Variants in NID1 observed in about 807,000 individuals in gnomAD.
NID1 encodes nidogen 1.
Under a neutral mutation model 130.6 loss-of-function variants are expected in NID1, and 76 were observed. The ratio of observed to expected loss-of-function variants is 0.58; its 90% confidence interval spans 0.48 to 0.70. The LOEUF (loss-of-function observed/expected upper bound fraction) is 0.70, where lower values mean the gene tolerates loss of function less well. Ranked by LOEUF, NID1 falls within the 30% of genes least tolerant of loss-of-function variation. The probability of loss-of-function intolerance (pLI) is 0.00; values close to 1 mark genes in which losing one functional copy is unlikely to be tolerated. For missense variants in NID1, 1,517 were observed against 1,664.8 expected (o/e 0.91, Z 1.54); for synonymous variants, 665 against 675.1 (o/e 0.98, Z 0.23).
rs949066579 is a variant in NID1 at position 235,975,988 on chromosome 1, C to T, written c.*1879G>A. On this transcript the variant is annotated 3_prime_UTR_variant, in exon 20 of 20. Coordinates refer to ENST00000264187, the MANE Select transcript of NID1 (RefSeq NM_002508.3). ...ACCATTAAAAAATTTTAGAATAAATCTAATAAAATGAATAAAATAGTTATA... is the reference window on the plus strand; with the variant it reads ...ACCATTAAAAAATTTTAGAATAAATTTAATAAAATGAATAAAATAGTTATA... 1 of 152,426 alleles carries T rather than the reference C, an allele frequency of 6.6e-6. No individual in the cohort carries two copies. The highest frequency in any genetic ancestry group is 2.4e-5 in the African/African-American group (1 of 41,352). The allele number at this position is 152,426 out of a possible 1,614,324, so 9.4% of individuals were successfully genotyped here.
intron 9 of NID1, among the ~76,000 whole-genome samples, chr1:236,017,495 C>T (rs1278121139): frequency 6.6e-6 from 1 of 152,058 alleles, no homozygotes; most frequent in Non-Finnish European, 1.5e-5. Flanking sequence ...AAGTGATTCT[C>T]CTGCCTCAGC....
chr1:236,039,628 G>A (rs913138865), intron 4 of NID1, among the ~76,000 whole-genome samples: 24 of 152,198 alleles, frequency 1.6e-4, no homozygotes, highest in African/African-American at 5.8e-4. Flanking sequence ...AAATTAATTT[G>A]GAATGAAATT....
chr1:236,023,775 A>C (rs1181240323), intron 9 of NID1, among the ~76,000 whole-genome samples: 1 of 152,196 alleles, frequency 6.6e-6, no homozygotes, highest in Non-Finnish European at 1.5e-5. Flanking sequence ...TGGTGTTATC[A>C]TTAACAGCTC....
chr1:236,042,263 C>A lies in NID1; in HGVS notation c.782G>T (p.Trp261Leu), dbSNP rs1659476561. ...GGCTGGACTCCCAATCTCAAACACC[C>A]AGACACCCTGCTGCCCAGAGTTACT... ...KSSNSGQQGV[W>L]VFEIGSPATT... is the part of the protein sequence containing the mutation. The change falls in exon 4 of 20, where the codon TGG becomes TTG. Residue 261 changes from tryptophan (W) to leucine (L), a missense_variant. Trp to Leu is a moderately conservative substitution (Grantham distance 61). Around this residue, in one of 3 missense-constraint regions of NID1, gnomAD observed 1,329 missense variants for 1,429.2 expected, o/e 0.93. Transcript: ENST00000264187. The A allele has an allele frequency of 1.6e-5, 25 of 1,606,366 alleles. No homozygotes were observed. Among genetic ancestry groups the A allele is most frequent in the Non-Finnish European group, 2.0e-5 (24 of 1,179,946 alleles).
chr1:235,978,953 T>C (rs12032474), intron 19 of NID1, 42 bp downstream of exon 19: 1 of 1,382,192 alleles, frequency 7.2e-7, no homozygotes, highest in Non-Finnish European at 1.0e-6. Flanking sequence ...TGAGCCTCCA[T>C]GTGCCCCCAG....
intron 12 of NID1, among the ~76,000 whole-genome samples, chr1:235,996,152 CCCCAAAAAACAAAACGAAAA>C (rs1259295426): frequency 1.3e-5 from 2 of 151,884 alleles, no homozygotes. Context: ...AGACCCTGTC[CCCCAAAAAACAAAACGAAAA>C]CCCAAAAAAC....
rs1470703593 is a variant in NID1, at chr1:235,976,847, G to C, written c.*1020C>G. The C allele has an allele frequency of 6.6e-6, 1 of 152,196 alleles. No homozygotes were observed. Among genetic ancestry groups the C allele is most frequent in the Non-Finnish European group, 1.5e-5 (1 of 68,048 alleles). The allele number at this position is 152,196 out of a possible 1,614,324, so 9.4% of individuals were successfully genotyped here. On this transcript the variant is annotated 3_prime_UTR_variant, in exon 20 of 20. Transcript: ENST00000264187. ...CAAGGAGGGGTGAGGTCATGGTTGA[G>C]TGTAAATTGGTTCTGTCATGTGGAG... is the stretch of plus-strand genomic sequence containing the variant.
At chr1:236,016,996 G>C in intron 10 of NID1, 152 bp downstream of exon 10, 1 of 913,438 alleles carries the variant, frequency 1.1e-6, no homozygotes, top group Non-Finnish European at 1.7e-6. Context: ...ATAGTTGGAG[G>C]GCAGAGGCTA....
chr1:236,029,455 C>A, intron 7 of NID1, 95 bp downstream of exon 7: 5 of 1,228,056 alleles, frequency 4.1e-6, no homozygotes, highest in Admixed American at 4.1e-5. Context: ...CTCCAGATCC[C>A]AGAGACAGCC....
Position 236,029,702 on chromosome 1 carries a change from C to A in NID1, c.1586G>T (p.Gly529Val). ...GAACCGCTGCTTAATGACCAGATTGCCCGGGTGCCCCACGAAGGTCACCTC... is the reference window on the plus strand; with the variant it reads ...GAACCGCTGCTTAATGACCAGATTGACCGGGTGCCCCACGAAGGTCACCTC... ...QAEVTFVGHPGNLVIKQRFSG... is the reference protein window; with the variant it reads ...QAEVTFVGHPVNLVIKQRFSG... The change falls in exon 7 of 20, where the codon GGC (glycine) becomes GTC (valine). Residue 529 changes from glycine (G) to valine (V), a missense_variant. Physicochemically the swap from Gly to Val is moderately radical, Grantham distance 109 (BLOSUM62 -3). Transcript: ENST00000264187. 1 of 1,614,102 alleles carries A rather than the reference C, an allele frequency of 6.2e-7. No individual in the cohort carries two copies. Among genetic ancestry groups the A allele is most frequent in the African/African-American group, 1.3e-5 (1 of 75,050 alleles).
rs2102825196 is a variant in NID1, at chr1:236,024,168, T to C, written c.2030A>G (p.His677Arg). 3 of 1,614,266 alleles carry C rather than the reference T, an allele frequency of 1.9e-6. No homozygotes were observed. Among genetic ancestry groups the C allele is most frequent in the Non-Finnish European group, 2.5e-6 (3 of 1,180,048 alleles). The change falls in exon 9 of 20, where the codon CAT becomes CGT. Residue 677 changes from histidine to arginine, a missense_variant. Physicochemically the swap from His to Arg is conservative, Grantham distance 29. Around this residue, in one of 3 missense-constraint regions of NID1, gnomAD observed 1,329 missense variants for 1,429.2 expected, o/e 0.93. Coordinates refer to ENST00000264187, the MANE Select transcript of NID1 (RefSeq NM_002508.3). ...ALQNPCYIGT[H>R]GCDTNAACRP... is the part of the protein sequence containing the mutation. ...ACAGGCCGCGTTGGTGTCACACCCA[T>C]GAGTGCCGATGTAGCAGGGATTCTG...
intron 9 of NID1, among the ~76,000 whole-genome samples, chr1:236,017,619 C>T (rs1455344329): frequency 1.3e-5 from 2 of 152,170 alleles, no homozygotes; most frequent in Non-Finnish European, 2.9e-5. Flanking sequence ...CTCCTGACCT[C>T]GTGATCCACC....
rs16833075 is a variant in NID1, at chr1:235,993,977, T to G, written c.2528-105A>C. On this transcript the variant is annotated intron_variant, in intron 12 of 19. Transcript: ENST00000264187. ...GCAGCTCGCTCAGAACCACGAGGGC[T>G]GCCTGTGTGTCACTGGGTTTTGTTT... 186,250 of 923,086 alleles carry G rather than the reference T, an allele frequency of 0.2. 23,471 individuals are homozygous for G. The highest frequency in any genetic ancestry group is 0.58 in the East Asian group (21,730 of 37,398). The allele number at this position is 923,086 out of a possible 1,614,324, so 57.2% of individuals were successfully genotyped here.
chr1:235,989,488 G>C (rs1343488510), intron 14 of NID1, among the ~76,000 whole-genome samples: 1 of 152,112 alleles, frequency 6.6e-6, no homozygotes, highest in Non-Finnish European at 1.5e-5. Context: ...ATATTTTTTT[G>C]AGTGCTTCCT....
In NID1 at chr1:236,034,066, T is replaced by C. The variant is rs145309592; in HGVS notation, c.1286-1414A>G. Among the ~76,000 whole-genome samples the C allele has an allele frequency of 3.3e-5, 5 of 152,248 alleles. No homozygotes were observed. In the East Asian group the frequency reaches 9.6e-4, roughly 29 times the overall value. The stretch of plus-strand genomic sequence containing the variant: ...AAAGGAAAACAACCCAAATGTCCAT[T>C]AACTGATGAATGGATAAACAAAATA... On this transcript the variant is annotated intron_variant, in intron 5 of 19. Transcript: ENST00000264187.
chr1:236,055,832 C>G (rs1455662191), intron 1 of NID1, among the ~76,000 whole-genome samples: 2 of 152,136 alleles, frequency 1.3e-5, no homozygotes, highest in East Asian at 3.9e-4. Context: ...TGAGGTATAA[C>G]TGATAAACAA....
chr1:235,996,591 G>A (rs372090257), intron 12 of NID1, among the ~76,000 whole-genome samples: 34 of 151,994 alleles, frequency 2.2e-4, no homozygotes, highest in Non-Finnish European at 3.4e-4. Context: ...ACAGGCATGC[G>A]TCACCACACT....
At chr1:236,039,185 A>T (rs1169326815) in intron 4 of NID1, among the ~76,000 whole-genome samples, 1 of 146,164 alleles carries the variant, frequency 6.8e-6, no homozygotes, top group Non-Finnish European at 1.5e-5. Flanking sequence ...TTTATATGTT[A>T]TATAATAATA....
At position 236,045,465 on chromosome 1, in the gene NID1, A is replaced by C. The variant is rs369549170; in HGVS notation, c.744T>G (p.Asn248Lys). Residue 248 changes from asparagine to lysine, a missense_variant, in exon 3 of 20, where the codon AAT (asparagine) becomes AAG (lysine). Coordinates refer to ENST00000264187, the MANE Select transcript of NID1 (RefSeq NM_002508.3). ...IFANDRESVE[N>K]LAKSSNSGQQ... ...GAACAAAGAAAGCATACTTGGCCAA[A>C]TTTTCAACTGATTCCCTGTCATTAG... is the stretch of plus-strand genomic sequence containing the variant. The C allele has an allele frequency of 1.8e-5, 29 of 1,613,708 alleles. No individual in the cohort carries two copies. The African/African-American group carries it at 2.8e-4, about 16-fold the overall frequency.
Sources: allele counts gnomAD v4.1 joint callset (sites outside exome capture counted in the v4.1 genomes callset), GRCh38; gene constraint gnomAD v4.1.1; regional missense constraint gnomAD v4.1.1; transcripts MANE v1.5; gene names NCBI Gene and HGNC (gene_info 2026-07-23, HGNC 2026-07-21).